Variants in ERBB4 observed in about 807,000 individuals in gnomAD.
The protein encoded by ERBB4 is receptor tyrosine-protein kinase erbB-4.
A neutral mutation model predicts 158.0 loss-of-function variants in ERBB4; 42 were observed. The ratio of observed to expected loss-of-function variants is 0.27; its 90% CI spans 0.21 to 0.34. The LOEUF (loss-of-function observed/expected upper bound fraction) is 0.34. Ranked by LOEUF, ERBB4 falls within the 10% of genes least tolerant of loss-of-function variation. The pLI is 1.00. For missense variants in ERBB4, 1,333 were observed against 1,624.1 expected, an observed-to-expected ratio of 0.82 and a Z score of 3.08; for synonymous variants, 583 against 558.7, an observed-to-expected ratio of 1.04 and a Z score of -0.61.
At chr2:211,461,046 C>A (rs1046175613) in intron 20 of ERBB4, among the ~76,000 whole-genome samples, 1 of 151,392 alleles carries the variant, frequency 6.6e-6, no homozygotes, top group Non-Finnish European at 1.5e-5. Context: ...AGACAGCTAG[C>A]ACTCATTTTT....
chr2:211,557,099 T>C (rs113572193), intron 20 of ERBB4, among the ~76,000 whole-genome samples: 4 of 152,224 alleles, frequency 2.6e-5, no homozygotes, highest in African/African-American at 7.2e-5. Flanking sequence ...CCTTACACCA[T>C]ATACAAAAAT....
At chr2:212,168,016 A>G (rs536657404) in intron 1 of ERBB4, among the ~76,000 whole-genome samples, 4 of 151,896 alleles carry the variant, frequency 2.6e-5, no homozygotes, top group Admixed American at 6.6e-5. Flanking sequence ...ACGTATACCT[A>G]TGTAACAAAC....
chr2:211,896,645 C>T (rs1402038077), intron 3 of ERBB4, among the ~76,000 whole-genome samples: 3 of 152,038 alleles, frequency 2.0e-5, no homozygotes, highest in Non-Finnish European at 4.4e-5. Flanking sequence ...TAACAATATG[C>T]AAAATGATCC....
At position 211,623,902 on chromosome 2, in the gene ERBB4, A is replaced by G. The variant is rs768157216; in HGVS notation, c.2202+20T>C. ...TCTAAAACAAAACTTAACTAACGAT[A>G]TGCGTTGTTTTTTACTTACTTTATA... is the stretch of plus-strand genomic sequence containing the variant. On this transcript the variant is annotated intron_variant, in intron 18 of 27. Transcript: ENST00000342788. 1.9e-6 allele frequency: 3 copies of G among 1,613,308 alleles called. No homozygotes were observed. Among genetic ancestry groups the G allele is most frequent in the Admixed American group, 1.7e-5 (1 of 59,974 alleles).
intron 2 of ERBB4, among the ~76,000 whole-genome samples, chr2:212,087,924 CT>C (rs869256488): frequency 8.5e-5 from 12 of 140,612 alleles, no homozygotes; most frequent in East Asian, 7.0e-4. Context: ...ATAACACTTA[CT>C]TCATAGAACT....
At chr2:212,346,982 T>C (rs1177687251) in intron 1 of ERBB4, among the ~76,000 whole-genome samples, 9 of 152,160 alleles carry the variant, frequency 5.9e-5, no homozygotes. Context: ...ATGTGGTTTC[T>C]GATATATGAA....
chr2:211,466,811 A>G (rs1358550044), intron 20 of ERBB4, among the ~76,000 whole-genome samples: 1 of 152,100 alleles, frequency 6.6e-6, no homozygotes. Context: ...TAATGCTCCA[A>G]TATAAGTATT....
At chr2:212,372,475 C>T (rs1012929354) in intron 1 of ERBB4, among the ~76,000 whole-genome samples, 9 of 152,080 alleles carry the variant, frequency 5.9e-5, no homozygotes, top group Non-Finnish European at 7.4e-5. Context: ...CCTGGCCAGG[C>T]GCGGTGGCTC....
chr2:211,757,632 G>T (rs1325642072), intron 4 of ERBB4, among the ~76,000 whole-genome samples: 1 of 152,148 alleles, frequency 6.6e-6, no homozygotes, highest in Non-Finnish European at 1.5e-5. Context: ...TCCCTCAGGG[G>T]CTCAACTCCC....
chr2:212,378,844 T>G (rs572417049), intron 1 of ERBB4, among the ~76,000 whole-genome samples: 14 of 151,828 alleles, frequency 9.2e-5, no homozygotes, highest in Non-Finnish European at 1.6e-4. Context: ...TAGTAGGCAT[T>G]GCCATTTATG....
intron 1 of ERBB4, among the ~76,000 whole-genome samples, chr2:212,262,627 T>G (rs1341913416): frequency 6.6e-6 from 1 of 152,106 alleles, no homozygotes; most frequent in African/African-American, 2.4e-5. Context: ...TGGATATGGC[T>G]CTATACAAAA....
At chr2:211,562,196 T>G (rs2125722965) in intron 19 of ERBB4, 108 bp from the exon 20 acceptor site, 4 of 833,940 alleles carry the variant, frequency 4.8e-6, no homozygotes, top group Non-Finnish European at 7.9e-6. Context: ...GTACTCTTAC[T>G]CAATGGAATC....
chr2:211,881,606 G>A, intron 3 of ERBB4, among the ~76,000 whole-genome samples: 2 of 141,336 alleles, frequency 1.4e-5, no homozygotes, highest in Non-Finnish European at 3.1e-5. Context: ...GGGGGTCGGG[G>A]GGGCTGAGAT....
intron 3 of ERBB4, among the ~76,000 whole-genome samples, chr2:211,875,389 T>A (rs2078473286): frequency 6.6e-6 from 1 of 152,204 alleles, no homozygotes; most frequent in Non-Finnish European, 1.5e-5. Context: ...TTATTTCTCA[T>A]ACTTTCCCCA....
chr2:211,601,699 C>A (rs2068806090), intron 19 of ERBB4, among the ~76,000 whole-genome samples: 1 of 151,780 alleles, frequency 6.6e-6, no homozygotes, highest in African/African-American at 2.4e-5. Flanking sequence ...AATTTCATAC[C>A]CAGGCAAACT....
At chr2:211,463,188 T>C (rs1367047492) in intron 20 of ERBB4, among the ~76,000 whole-genome samples, 2 of 152,188 alleles carry the variant, frequency 1.3e-5, no homozygotes, top group African/African-American at 4.8e-5. Flanking sequence ...AAGTTAGGAA[T>C]CTAGTGTAAT....
At chr2:211,715,110 G>A (rs969963088) in intron 7 of ERBB4, among the ~76,000 whole-genome samples, 2 of 152,184 alleles carry the variant, frequency 1.3e-5, no homozygotes, top group African/African-American at 2.4e-5. Flanking sequence ...TCTAGGTAGC[G>A]AAATTGATTA....
chr2:211,624,410 GA>G (rs914249630), intron 17 of ERBB4, among the ~76,000 whole-genome samples: 1 of 151,922 alleles, frequency 6.6e-6, no homozygotes, highest in African/African-American at 2.4e-5. Context: ...GAGGAGAGGG[GA>G]AAAAAACGCA....
chr2:212,100,762 G>C (rs2079060787), intron 2 of ERBB4, among the ~76,000 whole-genome samples: 1 of 152,140 alleles, frequency 6.6e-6, no homozygotes, highest in Non-Finnish European at 1.5e-5. Context: ...GCCTGAGTAG[G>C]AGCAGGGAAG....
Sources: allele counts gnomAD v4.1 joint callset (sites outside exome capture counted in the v4.1 genomes callset), GRCh38; gene constraint gnomAD v4.1.1; transcripts MANE v1.5; gene names NCBI Gene and HGNC (gene_info 2026-07-23, HGNC 2026-07-21).